Variants in WDR4 observed in about 807,000 individuals in gnomAD.
WDR4 encodes the protein tRNA (guanine-N(7)-)-methyltransferase non-catalytic subunit WDR4.
Under a neutral mutation model 48.6 loss-of-function variants are expected in WDR4, and 47 were observed. That is an observed-to-expected ratio of 0.97 (90% CI 0.77 to 1.23). The LOEUF (loss-of-function observed/expected upper bound fraction) is 1.23. Among genes scored for constraint, WDR4 ranks in the 50% most tolerant of loss-of-function variants. WDR4 has a pLI of 0.00. For synonymous variants in WDR4, 268 were observed against 230.0 expected (o/e 1.17, Z -1.49); for missense variants, 606 against 551.6 (o/e 1.10, Z -0.99).
intron 6 of WDR4, among the ~76,000 whole-genome samples, chr21:42,858,119 G>A (rs953927891): frequency 3.3e-5 from 5 of 152,190 alleles, no homozygotes; most frequent in African/African-American, 1.2e-4. Context: ...GAGCATTAAA[G>A]TGGTTCAACT....
At chr21:42,876,820 C>G in intron 1 of WDR4, 53 bp from the exon 2 acceptor site, 1 of 1,400,134 alleles carries the variant, frequency 7.1e-7, no homozygotes, top group Admixed American at 2.0e-5. Context: ...AGAGAAATAA[C>G]AAATTTTTTT....
upstream of WDR4, among the ~76,000 whole-genome samples, chr21:42,880,547 G>A (rs564886494): frequency 1.3e-5 from 2 of 152,258 alleles, no homozygotes; most frequent in East Asian, 3.9e-4. Context: ...GTAATCACTG[G>A]TCCAAAGCAA....
At chr21:42,867,613 G>A (rs558120409) in intron 3 of WDR4, among the ~76,000 whole-genome samples, 1 of 152,222 alleles carries the variant, frequency 6.6e-6, no homozygotes, top group East Asian at 1.9e-4. Flanking sequence ...AAACATTCCA[G>A]TGAGCATTTC....
At chr21:42,865,528 C>A (rs73368734) in intron 3 of WDR4, among the ~76,000 whole-genome samples, 5 of 152,140 alleles carry the variant, frequency 3.3e-5, no homozygotes, top group African/African-American at 1.2e-4. Context: ...CACTGCTCCG[C>A]GTCCCTTTGT....
At chr21:42,886,537 T>C in the WDR4 span, among the ~76,000 whole-genome samples, 1 of 152,220 alleles carries the variant, frequency 6.6e-6, no homozygotes, top group Non-Finnish European at 1.5e-5. Context: ...TTCAATGATG[T>C]TTCTAGATGT....
intron 3 of WDR4, among the ~76,000 whole-genome samples, chr21:42,865,305 C>T (rs976829836): frequency 6.6e-6 from 1 of 152,214 alleles, no homozygotes; most frequent in Admixed American, 6.5e-5. Flanking sequence ...CAGCCCTGCA[C>T]TGCACCAGCG....
At chr21:42,876,664 A>AT in intron 2 of WDR4, 38 bp downstream of exon 2, 2 of 1,596,456 alleles carry the variant, frequency 1.3e-6, no homozygotes, top group Middle Eastern at 1.7e-4. Context: ...TTATCGAACC[A>AT]TTAAAGCAGG....
chr21:42,855,346 C>T (rs1193117546), intron 7 of WDR4, among the ~76,000 whole-genome samples: 7 of 152,122 alleles, frequency 4.6e-5, no homozygotes, highest in Non-Finnish European at 8.8e-5. Flanking sequence ...CCAAGCTGGC[C>T]GGAGAATGCT....
chr21:42,892,061 G>A, the WDR4 span, among the ~76,000 whole-genome samples: 8,197 of 151,168 alleles, frequency 0.054, 253 homozygotes, highest in South Asian at 0.09. Flanking sequence ...AGACCATCCT[G>A]GCTAACACGG....
upstream of WDR4, among the ~76,000 whole-genome samples, chr21:42,882,594 T>A (rs2058616439): frequency 6.6e-6 from 1 of 151,770 alleles, no homozygotes; most frequent in Non-Finnish European, 1.5e-5. Flanking sequence ...TATGGATTGT[T>A]GTGTTGTATT....
At chr21:42,863,833 G>A (rs957073249) in intron 3 of WDR4, among the ~76,000 whole-genome samples, 30 of 150,428 alleles carry the variant, frequency 2.0e-4, no homozygotes, top group African/African-American at 6.2e-4. Context: ...CTAGCCGGGC[G>A]CAGTGGCTCA....
intron 1 of WDR4, among the ~76,000 whole-genome samples, chr21:42,878,054 A>AG (rs1355157432): frequency 6.6e-6 from 1 of 151,616 alleles, no homozygotes; most frequent in East Asian, 1.9e-4. Flanking sequence ...AAAAAAAAAA[A>AG]AAGAAAAAAA....
rs369321452 is a variant in WDR4 at position 42,853,560 on chromosome 21, G to A, written c.975+9C>T. On this transcript the variant is annotated intron_variant, in intron 9 of 10. Coordinates refer to ENST00000398208, the MANE Select transcript of WDR4 (RefSeq NM_018669.6). Reference sequence around the variant, plus strand: ...GGGCATAGGACATCTGGAAGGTGCCGAGTCTCACCTGCCACTGGTCGCCCA... The same window carrying A: ...GGGCATAGGACATCTGGAAGGTGCCAAGTCTCACCTGCCACTGGTCGCCCA... The A allele has an allele frequency of 8.1e-6, 13 of 1,603,776 alleles. No homozygotes were observed. Among genetic ancestry groups the A allele is most frequent in the South Asian group, 3.4e-5 (3 of 89,484 alleles).
chr21:42,853,460 T>C (rs1002573083), intron 9 of WDR4, 109 bp downstream of exon 9: 3 of 1,260,936 alleles, frequency 2.4e-6, no homozygotes, highest in Non-Finnish European at 3.2e-6. Flanking sequence ...CAGAAGTGGC[T>C]GAGTTGAAAG....
intron 5 of WDR4, 130 bp from the exon 6 acceptor site, chr21:42,859,852 A>C (rs1190096077): frequency 1.1e-6 from 1 of 930,336 alleles, no homozygotes; most frequent in Non-Finnish European, 1.7e-6. Context: ...CAATAAAAAC[A>C]GCCAACATGG....
downstream of WDR4, among the ~76,000 whole-genome samples, chr21:42,845,385 G>C (rs552290098): frequency 6.4e-4 from 97 of 152,338 alleles, no homozygotes; most frequent in African/African-American, 2.2e-3. Context: ...AACACAGAAA[G>C]CTCTCCTTCC....
intron 10 of WDR4, 85 bp from the exon 11 acceptor site, chr21:42,850,327 T>TCACGAGG: frequency 7.7e-7 from 1 of 1,299,160 alleles, no homozygotes; most frequent in Non-Finnish European, 1.0e-6. Context: ...CAGCAGGGAG[T>TCACGAGG]TACCTCGTGA....
chr21:42,843,948 C>A (rs1035923638), intron 11 of WDR4, among the ~76,000 whole-genome samples: 5 of 152,190 alleles, frequency 3.3e-5, no homozygotes, highest in Admixed American at 1.3e-4. Flanking sequence ...GCCTCAACTT[C>A]CCAAAGTGTT....
chr21:42,868,745 C>A (rs1448978546), intron 3 of WDR4, among the ~76,000 whole-genome samples: 1 of 152,238 alleles, frequency 6.6e-6, no homozygotes, highest in Non-Finnish European at 1.5e-5. Context: ...AAAAGTCAGC[C>A]ACCCCCACAG....
Sources: allele counts gnomAD v4.1 joint callset (sites outside exome capture counted in the v4.1 genomes callset), GRCh38; gene constraint gnomAD v4.1.1; transcripts MANE v1.5; gene names NCBI Gene and HGNC (gene_info 2026-07-23, HGNC 2026-07-21).